The following ARHGAP5 variants were observed in gnomAD, a reference collection of about 807,000 sequenced individuals.
ARHGAP5 encodes rho GTPase-activating protein 5.
In ARHGAP5, 23 loss-of-function variants were observed where a neutral mutation model predicts 116.6. That is an observed-to-expected ratio of 0.20 (90% CI 0.14 to 0.28). The LOEUF (loss-of-function observed/expected upper bound fraction) is 0.28. ARHGAP5 is among the 10% of genes least tolerant of loss of function. ARHGAP5 has a pLI of 1.00. For missense variants in ARHGAP5, 1,405 were observed against 1,774.8 expected (o/e 0.79, Z 3.74); for synonymous variants, 574 against 602.0 (o/e 0.95, Z 0.68).
Position 32,092,005 on chromosome 14 carries a change from C to T in ARHGAP5, c.1336C>T (p.Pro446Ser). ...TTTGGAAAAAATTCAATTCATTTCA[C>T]CAGGGCAGCCATGGGAGGAAGTTAT... Reference protein sequence around the residue: ...KTLEKIQFISPGQPWEEVMCF... With the variant: ...KTLEKIQFISSGQPWEEVMCF... The change falls in exon 2 of 7, where the codon CCA becomes TCA. Residue 446 changes from proline (P) to serine (S), a missense_variant. Pro to Ser is a moderately conservative substitution (Grantham distance 74, BLOSUM62 -1). Coordinates refer to ENST00000345122, the MANE Select transcript of ARHGAP5 (RefSeq NM_001030055.2). The surrounding 1 kb of genome is among the most constrained non-coding windows in gnomAD (Gnocchi z 4.1). The T allele has an allele frequency of 6.2e-7, 1 of 1,613,480 alleles. No individual in the cohort carries two copies. Among genetic ancestry groups the T allele is most frequent in the Non-Finnish European group, 8.5e-7 (1 of 1,179,668 alleles).
chr14:32,096,427 T>C (rs1428268524), intron 2 of ARHGAP5, among the ~76,000 whole-genome samples: 1 of 152,006 alleles, frequency 6.6e-6, no homozygotes, highest in Admixed American at 6.6e-5. Flanking sequence ...GACTAAAAAA[T>C]AGAATAGACA....
Position 32,093,985 on chromosome 14 carries a change from G to T in ARHGAP5, c.3316G>T (p.Asp1106Tyr). The T allele has an allele frequency of 6.2e-7, 1 of 1,613,624 alleles. No homozygotes were observed. The highest frequency in any genetic ancestry group is 8.5e-7 in the Non-Finnish European group (1 of 1,179,898). ...AATTTTCAAACAGAAGGGCTATTCT[G>T]ATGAGATTTATGTTGTCCCAGATGA... Reference protein sequence around the residue: ...DTIFKQKGYSDEIYVVPDDSQ... With the variant: ...DTIFKQKGYSYEIYVVPDDSQ... Residue 1106 changes from aspartate (D) to tyrosine (Y), a missense_variant, in exon 2 of 7, where the codon GAT becomes TAT. Physicochemically the swap from Asp to Tyr is radical, Grantham distance 160. Around this residue, in one of 6 missense-constraint regions of ARHGAP5, gnomAD observed 944 missense variants for 1,095.3 expected, o/e 0.86. Transcript: ENST00000345122.
chr14:32,090,821 C>T lies in ARHGAP5; in HGVS notation c.152C>T (p.Pro51Leu), dbSNP rs1878203891. Residue 51 changes from proline (P) to leucine (L), a missense_variant, in exon 2 of 7, where the codon CCA (proline) becomes CTA (leucine). Pro to Leu is a moderately conservative substitution (Grantham distance 98). Around this residue, in one of 6 missense-constraint regions of ARHGAP5, gnomAD observed 190 missense variants for 314.9 expected, o/e 0.60. Coordinates refer to ENST00000345122, the MANE Select transcript of ARHGAP5 (RefSeq NM_001030055.2). The part of the protein sequence containing the change: ...FVRSKADEYY[P>L]EHTSVLSTID... The stretch of plus-strand genomic sequence containing the variant: ...CGCTCAAAAGCAGATGAATATTATC[C>T]AGAGCATACTTCTGTGCTTAGCACC... 3 of 1,613,502 alleles carry T rather than the reference C, an allele frequency of 1.9e-6. No individual in the cohort carries two copies. The highest frequency in any genetic ancestry group is 2.7e-5 in the African/African-American group (2 of 74,886).
intron 1 of ARHGAP5, among the ~76,000 whole-genome samples, chr14:32,089,717 G>A (rs116126864): frequency 0.019 from 2,839 of 151,836 alleles, 90 homozygotes; most frequent in African/African-American, 0.064. Context: ...AATTAAGAGC[G>A]TTTAGGAACA....
Position 32,154,792 on chromosome 14 carries a change from T to G in ARHGAP5, c.4353T>G (p.Asn1451Lys). ...FIQQCQFFFY[N>K]GEIVETTNIV... The stretch of plus-strand genomic sequence containing the variant: ...AGCAGTGTCAGTTTTTCTTTTACAA[T>G]GGAGAAATTGTAGAAACGACAAACA... Residue 1451 changes from asparagine to lysine, a missense_variant, in exon 7 of 7, where the codon AAT (asparagine) becomes AAG (lysine). Asn to Lys is a moderately conservative substitution (Grantham distance 94, BLOSUM62 0). Transcript: ENST00000345122. 1 of 1,614,186 alleles carries G rather than the reference T, an allele frequency of 6.2e-7. No homozygotes were observed. The highest frequency in any genetic ancestry group is 8.5e-7 in the Non-Finnish European group (1 of 1,180,034).
chr14:32,143,574 T>C (rs533366402), intron 3 of ARHGAP5, among the ~76,000 whole-genome samples: 5 of 152,328 alleles, frequency 3.3e-5, no homozygotes, highest in African/African-American at 1.2e-4. Flanking sequence ...ATTACTAAAA[T>C]TTTATATTTA....
intron 1 of ARHGAP5, among the ~76,000 whole-genome samples, chr14:32,088,926 G>GTCA (rs1218644141): frequency 6.6e-6 from 1 of 151,888 alleles, no homozygotes; most frequent in Admixed American, 6.6e-5. Context: ...CTTTACTGTT[G>GTCA]TCATCAACTA....
At position 32,093,802 on chromosome 14, in the gene ARHGAP5, G is replaced by A. The variant is rs374565403; in HGVS notation, c.3133G>A (p.Val1045Ile). The change falls in exon 2 of 7, where the codon GTT (valine) becomes ATT (isoleucine). Residue 1045 changes from valine (V) to isoleucine (I), a missense_variant. Coordinates refer to ENST00000345122, the MANE Select transcript of ARHGAP5 (RefSeq NM_001030055.2). ...KVPPPIKPKP[V>I]VPKTNVKKLD... Reference sequence around the variant, plus strand: ...GCCTCCACCTATTAAACCTAAACCAGTTGTACCTAAGACAAATGTGAAAAA... The same window carrying A: ...GCCTCCACCTATTAAACCTAAACCAATTGTACCTAAGACAAATGTGAAAAA... 2 of 1,613,726 alleles carry A rather than the reference G, an allele frequency of 1.2e-6. No homozygotes were observed. Among genetic ancestry groups the A allele is most frequent in the African/African-American group, 1.3e-5 (1 of 74,846 alleles).
At chr14:32,088,486 A>T (rs955541136) in intron 1 of ARHGAP5, among the ~76,000 whole-genome samples, 2 of 151,982 alleles carry the variant, frequency 1.3e-5, no homozygotes, top group African/African-American at 4.8e-5. Flanking sequence ...CACTGTGTAT[A>T]TAACTTTGTT....
Position 32,094,091 on chromosome 14 carries a change from C to T in ARHGAP5, c.3422C>T (p.Thr1141Ile), listed in dbSNP as rs1322644272. Residue 1141 changes from threonine to isoleucine, a missense_variant, in exon 2 of 7, where the codon ACC (threonine) becomes ATC (isoleucine). Physicochemically the swap from Thr to Ile is moderately conservative, Grantham distance 89. This residue lies in a region of ARHGAP5 where 944 missense variants were observed against 1,095.3 expected (regional missense o/e 0.86). Transcript: ENST00000345122. ...GDEENGFSDR[T>I]SKSHGERRPS... ...GAAGAAAATGGGTTTTCTGATAGAA[C>T]CTCAAAAAGTCATGGGGAACGGAGG... is the stretch of plus-strand genomic sequence containing the variant. 1.9e-6 allele frequency: 3 copies of T among 1,613,988 alleles called. No homozygotes were observed. The highest frequency in any genetic ancestry group is 2.5e-6 in the Non-Finnish European group (3 of 1,179,980).
chr14:32,147,915 G>A (rs1881454406), intron 4 of ARHGAP5, among the ~76,000 whole-genome samples: 1 of 152,194 alleles, frequency 6.6e-6, no homozygotes, highest in Non-Finnish European at 1.5e-5. Context: ...CACTTTGGGA[G>A]GCCAAGGTGG....
intron 3 of ARHGAP5, among the ~76,000 whole-genome samples, chr14:32,128,575 G>A (rs1013384837): frequency 6.6e-6 from 1 of 152,244 alleles, no homozygotes. Flanking sequence ...CAGGATCTTG[G>A]CATTCCTTTT....
intron 3 of ARHGAP5, among the ~76,000 whole-genome samples, chr14:32,134,066 A>G (rs1880656315): frequency 6.6e-6 from 1 of 152,204 alleles, no homozygotes; most frequent in Non-Finnish European, 1.5e-5. Context: ...CAATGCAAAA[A>G]TCCTCAATAA....
chr14:32,143,434 C>T (rs1881233061), intron 3 of ARHGAP5, among the ~76,000 whole-genome samples: 1 of 152,058 alleles, frequency 6.6e-6, no homozygotes, highest in Non-Finnish European at 1.5e-5. Flanking sequence ...TTAGTAGAGA[C>T]AGGGTTTCAC....
At chr14:32,112,069 G>A (rs191992545) in intron 2 of ARHGAP5, among the ~76,000 whole-genome samples, 7 of 151,924 alleles carry the variant, frequency 4.6e-5, no homozygotes, top group African/African-American at 1.4e-4. Context: ...CGCCCGTTTC[G>A]GCCTCCCAAA....
chr14:32,079,698 GGAT>G (rs1213978098), intron 1 of ARHGAP5, among the ~76,000 whole-genome samples: 3 of 152,240 alleles, frequency 2.0e-5, no homozygotes, highest in African/African-American at 7.2e-5. Context: ...AACATTGGCA[GGAT>G]GTAAGATGAG....
chr14:32,117,427 A>G (rs1023340807), intron 3 of ARHGAP5, 140 bp downstream of exon 3: 1 of 714,616 alleles, frequency 1.4e-6, no homozygotes, highest in South Asian at 5.1e-5. Flanking sequence ...TGATCAGGTA[A>G]CCATCTGATA....
intron 1 of ARHGAP5, chr14:32,078,185 C>CG (rs1398473255): frequency 6.6e-6 from 1 of 152,228 alleles, no homozygotes; most frequent in Non-Finnish European, 1.5e-5. Context: ...CGGGAGCGCG[C>CG]GCGCACTTAT....
intron 1 of ARHGAP5, among the ~76,000 whole-genome samples, chr14:32,082,961 A>G (rs570431603): frequency 2.6e-5 from 4 of 152,272 alleles, no homozygotes; most frequent in African/African-American, 9.6e-5. Context: ...TGGCTTCTCT[A>G]TTGCTTATGA....
Sources: gnomAD v4.1 joint callset for allele counts (sites outside exome capture counted in the v4.1 genomes callset) on GRCh38, gnomAD v4.1.1 for gene constraint, gnomAD v4.1.1 regional missense constraint, Gnocchi (gnomAD v3.1) non-coding constraint, MANE v1.5 for transcripts, NCBI Gene and HGNC (gene_info 2026-07-23, HGNC 2026-07-21) for gene names.